The following CEP128 variants were observed in gnomAD, a reference collection of about 807,000 sequenced individuals.
The protein encoded by CEP128 is centrosomal protein 128, also known as centrosomal protein 128kDa.
In CEP128, 132 loss-of-function variants were observed where a neutral mutation model predicts 156.7. The ratio of observed to expected loss-of-function variants is 0.84; its 90% CI spans 0.73 to 0.97. The LOEUF (loss-of-function observed/expected upper bound fraction) is 0.97, where lower values mean the gene tolerates loss of function less well. CEP128 is among the 50% of genes least tolerant of loss of function. The pLI is 0.00. For missense variants in CEP128, 1,252 were observed against 1,281.9 expected (o/e 0.98, Z 0.36); for synonymous variants, 469 against 448.9 (o/e 1.04, Z -0.57).
At chr14:80,905,178 T>C (rs1037136062) in intron 5 of CEP128, among the ~76,000 whole-genome samples, 7 of 82,250 alleles carry the variant, frequency 8.5e-5, no homozygotes, top group Non-Finnish European at 1.5e-4. Context: ...TTTCAATTTG[T>C]TATACTCTCC....
At chr14:80,766,460 C>T (rs1024439010) in intron 16 of CEP128, among the ~76,000 whole-genome samples, 2 of 152,082 alleles carry the variant, frequency 1.3e-5, no homozygotes, top group Admixed American at 6.6e-5. Context: ...TTCACTTTCC[C>T]AGAGGCTCTA....
intron 23 of CEP128, among the ~76,000 whole-genome samples, chr14:80,511,147 C>T (rs1470751272): frequency 6.6e-6 from 1 of 151,118 alleles, no homozygotes; most frequent in East Asian, 1.9e-4. Flanking sequence ...AGTATTCCCT[C>T]CTCCTCTATT....
intron 2 of CEP128, among the ~76,000 whole-genome samples, chr14:80,937,430 G>A (rs1236655720): frequency 6.6e-6 from 1 of 151,972 alleles, no homozygotes; most frequent in Non-Finnish European, 1.5e-5. Flanking sequence ...ATATGCATAA[G>A]AATTTCACTG....
intron 16 of CEP128, among the ~76,000 whole-genome samples, chr14:80,762,712 C>A (rs996146471): frequency 6.6e-6 from 1 of 152,160 alleles, no homozygotes. Context: ...TGATTACTTA[C>A]AGCATCTTAA....
chr14:80,607,324 A>G (rs1892824098), intron 19 of CEP128, among the ~76,000 whole-genome samples: 1 of 152,154 alleles, frequency 6.6e-6, no homozygotes, highest in Non-Finnish European at 1.5e-5. Flanking sequence ...TACACAAAAA[A>G]AGAGAGAGGA....
At position 80,534,915 on chromosome 14, in the gene CEP128, C is replaced by T. The variant is rs142310801; in HGVS notation, c.2881-4029G>A. Among the ~76,000 whole-genome samples the T allele has an allele frequency of 1.7e-3, 252 of 149,776 alleles. 1 individual carries two copies. Among genetic ancestry groups the T allele is most frequent in the African/African-American group, 5.7e-3 (230 of 40,698 alleles). ...TGCTTAATTTGTCTTTAGTTGTTTT[C>T]GAGAATAAATAAATCAGATGCTTAC... On this transcript the variant is annotated intron_variant, in intron 21 of 24. Coordinates refer to ENST00000555265, the MANE Select transcript of CEP128 (RefSeq NM_152446.5).
chr14:80,863,587 C>T (rs1376761620), intron 8 of CEP128, among the ~76,000 whole-genome samples: 3 of 152,162 alleles, frequency 2.0e-5, no homozygotes, highest in African/African-American at 7.2e-5. Flanking sequence ...TTTCATTATA[C>T]AGCCCACTAA....
intron 23 of CEP128, among the ~76,000 whole-genome samples, chr14:80,519,080 G>C (rs1487148908): frequency 6.6e-6 from 1 of 152,164 alleles, no homozygotes; most frequent in Non-Finnish European, 1.5e-5. Flanking sequence ...TGTTAAAAAG[G>C]AACATTCTTT....
chr14:80,901,062 C>T (rs561462764), intron 6 of CEP128, among the ~76,000 whole-genome samples: 4 of 151,764 alleles, frequency 2.6e-5, no homozygotes, highest in South Asian at 4.2e-4. Context: ...AAAAATTAGC[C>T]GGGCGTGGTA....
At chr14:80,923,343 G>C (rs1356622426) in intron 2 of CEP128, among the ~76,000 whole-genome samples, 1 of 152,198 alleles carries the variant, frequency 6.6e-6, no homozygotes, top group Non-Finnish European at 1.5e-5. Flanking sequence ...TTTGTAATAA[G>C]AGGATTGGCA....
intron 7 of CEP128, among the ~76,000 whole-genome samples, chr14:80,898,648 G>A (rs533714870): frequency 3.3e-5 from 5 of 152,170 alleles, no homozygotes; most frequent in African/African-American, 1.2e-4. Flanking sequence ...ACCCTTCCTT[G>A]AAATGGATAA....
chr14:80,838,303 A>C (rs770000038), intron 10 of CEP128, 25 bp from the exon 11 acceptor site: 57 of 1,538,840 alleles, frequency 3.7e-5, no homozygotes, highest in Non-Finnish European at 4.9e-5. Context: ...AAGGATAAAG[A>C]AAAATGCCCA....
chr14:80,773,731 A>G (rs1033256174), intron 16 of CEP128, among the ~76,000 whole-genome samples: 1 of 152,228 alleles, frequency 6.6e-6, no homozygotes, highest in African/African-American at 2.4e-5. Flanking sequence ...AGTGAAACTA[A>G]TAAAAATATA....
intron 19 of CEP128, among the ~76,000 whole-genome samples, chr14:80,684,656 C>A (rs1167518754): frequency 6.6e-6 from 1 of 150,638 alleles, no homozygotes; most frequent in Non-Finnish European, 1.5e-5. Context: ...AAAAACATAA[C>A]TGCAAGTCAA....
At chr14:80,686,443 G>A (rs1896526629) in intron 19 of CEP128, among the ~76,000 whole-genome samples, 1 of 151,992 alleles carries the variant, frequency 6.6e-6, no homozygotes, top group South Asian at 2.1e-4. Context: ...ATATGGAAAG[G>A]AAAAACCATT....
intron 19 of CEP128, among the ~76,000 whole-genome samples, chr14:80,601,347 A>G (rs1263890955): frequency 5.3e-5 from 8 of 152,206 alleles, no homozygotes; most frequent in Non-Finnish European, 4.4e-5. Context: ...ATCGTAGAAC[A>G]GGGGTGTCCA....
chr14:80,776,766 C>T (rs1348395383), intron 16 of CEP128, among the ~76,000 whole-genome samples: 1 of 151,996 alleles, frequency 6.6e-6, no homozygotes, highest in African/African-American at 2.4e-5. Flanking sequence ...ATTAACCATA[C>T]TTTGATGGTC....
At chr14:80,769,619 G>C (rs192455731) in intron 16 of CEP128, among the ~76,000 whole-genome samples, 246 of 152,156 alleles carry the variant, frequency 1.6e-3, no homozygotes, top group African/African-American at 5.6e-3. Context: ...GTATTCCATG[G>C]TGTATATGTG....
At chr14:80,524,315 C>T (rs553996345) in intron 23 of CEP128, among the ~76,000 whole-genome samples, 2 of 152,266 alleles carry the variant, frequency 1.3e-5, no homozygotes, top group East Asian at 3.9e-4. Context: ...TCTTTGAATT[C>T]TGTCTTAGCA....
Sources: gnomAD v4.1 joint callset for allele counts (sites outside exome capture counted in the v4.1 genomes callset) on GRCh38, gnomAD v4.1.1 for gene constraint, MANE v1.5 for transcripts, NCBI Gene and HGNC (gene_info 2026-07-23, HGNC 2026-07-21) for gene names.